DMD: variants seen among roughly 807,000 people sequenced by gnomAD.
The protein encoded by DMD is dystrophin, also known as mutant dystrophin.
DMD carries 63 observed loss-of-function variants against 330.1 expected under a neutral mutation model. The ratio of observed to expected loss-of-function variants is 0.19; its 90% confidence interval spans 0.16 to 0.24. The LOEUF is 0.24. Ranked by LOEUF, DMD falls within the 10% of genes least tolerant of loss-of-function variation. DMD has a pLI of 1.00. For synonymous variants in DMD, 1,223 were observed against 959.8 expected, an observed-to-expected ratio of 1.27 and a Z score of -5.07; for missense variants, 3,344 against 2,684.1, an observed-to-expected ratio of 1.25 and a Z score of -5.43.
intron 44 of DMD, among the ~76,000 whole-genome samples, chrX:32,088,380 G>A (rs1209112816): frequency 1.8e-5 from 2 of 109,893 alleles, no homozygotes; most frequent in Admixed American, 9.8e-5. Flanking sequence ...GGTGGAACCT[G>A]GAAAGTAATC....
intron 17 of DMD, among the ~76,000 whole-genome samples, chrX:32,527,362 T>G (rs1261207308): frequency 8.9e-6 from 1 of 111,738 alleles, no homozygotes; most frequent in African/African-American, 3.3e-5. Context: ...TCTTCAGAGT[T>G]TTCCGAAGTG....
At chrX:32,020,390 A>G (rs1363864649) in intron 44 of DMD, among the ~76,000 whole-genome samples, 1 of 112,523 alleles carries the variant, frequency 8.9e-6, no homozygotes, top group Non-Finnish European at 1.9e-5. Flanking sequence ...TCTTCAGAAT[A>G]TAGAAACTGT....
intron 1 of DMD, among the ~76,000 whole-genome samples, chrX:33,196,878 G>C (rs766056066): frequency 1.3e-4 from 14 of 111,015 alleles, no homozygotes; most frequent in Non-Finnish European, 2.3e-4. Flanking sequence ...GTAGGTAGAG[G>C]CAAGTTTAAA....
chrX:32,399,342 A>C (rs2098069268), intron 30 of DMD, among the ~76,000 whole-genome samples: 1 of 112,028 alleles, frequency 8.9e-6, no homozygotes. Context: ...CCCATCTGAC[A>C]AGGGATCAAT....
chrX:31,551,768 G>A (rs1170334887), intron 55 of DMD, among the ~76,000 whole-genome samples: 1 of 112,128 alleles, frequency 8.9e-6, no homozygotes, highest in Non-Finnish European at 1.9e-5. Context: ...TCTTAAAGCT[G>A]AAACAGCTAG....
intron 13 of DMD, among the ~76,000 whole-genome samples, chrX:32,586,076 T>C (rs1036879801): frequency 9.0e-6 from 1 of 111,367 alleles, no homozygotes; most frequent in Non-Finnish European, 1.9e-5. Context: ...CAATGTGCAG[T>C]TGAAAAAACA....
intron 12 of DMD, 82 bp downstream of exon 12, chrX:32,614,221 A>G: frequency 6.3e-6 from 6 of 951,527 alleles, no homozygotes; most frequent in Non-Finnish European, 8.8e-6. Flanking sequence ...CCCATCAACC[A>G]TGTCATCTGT....
Position 31,929,756 on chromosome X carries a change from CAA to C in DMD, c.6763-13_6763-12del. 4 of 1,209,296 alleles carry C rather than the reference CAA, an allele frequency of 3.3e-6. No individual in the cohort carries two copies. Among genetic ancestry groups the C allele is most frequent in the Non-Finnish European group, 4.5e-6 (4 of 894,100 alleles). Reference sequence around the variant, plus strand: ...CTCTTCCACCAGTAACTGAAACAGACAAATGCAACAACGTTTAAAATGAATTA... The same window carrying C: ...CTCTTCCACCAGTAACTGAAACAGACATGCAACAACGTTTAAAATGAATTA... On this transcript the variant is annotated splice_polypyrimidine_tract_variant and intron_variant, in intron 46 of 78. Transcript: ENST00000357033.
intron 1 of DMD, among the ~76,000 whole-genome samples, chrX:33,066,348 G>A (rs1327021551): frequency 1.9e-5 from 2 of 104,834 alleles, no homozygotes; most frequent in African/African-American, 7.0e-5. Flanking sequence ...ACTCAGGAGG[G>A]TGAGGCATGA....
intron 7 of DMD, among the ~76,000 whole-genome samples, chrX:32,770,683 T>C (rs2073505870): frequency 8.9e-6 from 1 of 112,100 alleles, no homozygotes; most frequent in African/African-American, 3.2e-5. Flanking sequence ...TTTATGTTTT[T>C]CATTAAACAT....
chrX:31,297,705 C>G (rs1317565390), intron 62 of DMD, among the ~76,000 whole-genome samples: 1 of 112,224 alleles, frequency 8.9e-6, no homozygotes, highest in African/African-American at 3.2e-5. Context: ...CTTGTACTGC[C>G]TCTCAACAAA....
intron 55 of DMD, among the ~76,000 whole-genome samples, chrX:31,579,209 A>G (rs185182794): frequency 4.4e-5 from 5 of 112,487 alleles, no homozygotes; most frequent in African/African-American, 9.7e-5. Context: ...TGTTTCCAAG[A>G]AGTGTGATAA....
rs1163179112 is a variant in DMD at position 31,943,892 on chromosome X, AG to A, written c.6615-11666del. ...TCCCCAGAGAGTGAGAGAGAGAGAG[AG>A]AGAGAGAGAGAGAGAGAGAGAGAGA... On this transcript the variant is annotated intron_variant, in intron 45 of 78. Transcript: ENST00000357033. Among the ~76,000 whole-genome samples, 11 of 64,017 alleles carry A rather than the reference AG, an allele frequency of 1.7e-4. No individual in the cohort carries two copies. The South Asian group carries it at 5.7e-3, about 33-fold the overall frequency. 55.6% of individuals were successfully genotyped at this position (64,017 alleles called of 115,157 possible). A position where few individuals can be genotyped will look rare whatever the true frequency, so the allele number is the denominator to read the frequency against.
chrX:33,170,049 C>T (rs754730225), intron 1 of DMD, among the ~76,000 whole-genome samples: 3 of 111,240 alleles, frequency 2.7e-5, no homozygotes, highest in Non-Finnish European at 5.7e-5. Context: ...TTAGGTAATA[C>T]TCAACTCATT....
At chrX:32,313,096 G>A (rs2097570318) in intron 41 of DMD, among the ~76,000 whole-genome samples, 1 of 108,997 alleles carries the variant, frequency 9.2e-6, no homozygotes, top group African/African-American at 3.3e-5. Context: ...TATGAGGCCA[G>A]CAGCATCCTG....
At chrX:32,726,613 ACAGAT>A (rs952714169) in intron 7 of DMD, among the ~76,000 whole-genome samples, 5 of 111,514 alleles carry the variant, frequency 4.5e-5, no homozygotes, top group Non-Finnish European at 9.5e-5. Flanking sequence ...ATAAAATTTA[ACAGAT>A]CACCTTTAAG....
At chrX:31,823,163 C>T (rs761151086) in intron 49 of DMD, among the ~76,000 whole-genome samples, 1 of 112,984 alleles carries the variant, frequency 8.9e-6, no homozygotes, top group East Asian at 2.8e-4. Context: ...TGGCAACTGG[C>T]CAAGGAGGCA....
At chrX:33,161,012 G>A (rs745502480) in intron 1 of DMD, among the ~76,000 whole-genome samples, 3 of 111,401 alleles carry the variant, frequency 2.7e-5, no homozygotes, top group South Asian at 3.8e-4. Flanking sequence ...TAACATATTC[G>A]ATATTCCAGA....
chrX:31,543,413 C>T (rs1486372875), intron 55 of DMD, among the ~76,000 whole-genome samples: 3 of 110,918 alleles, frequency 2.7e-5, no homozygotes, highest in Non-Finnish European at 3.8e-5. Flanking sequence ...TCAGGTGATC[C>T]GCCCACCTTG....
Sources: allele counts gnomAD v4.1 joint callset (sites outside exome capture counted in the v4.1 genomes callset), GRCh38; gene constraint gnomAD v4.1.1; transcripts MANE v1.5; gene names NCBI Gene and HGNC (gene_info 2026-07-23, HGNC 2026-07-21).